Variants in EYS observed in about 807,000 individuals in gnomAD.
EYS encodes EGF-like photoreceptor maintenance factor.
In EYS, 250 loss-of-function variants were observed where a neutral mutation model predicts 282.1. The ratio of observed to expected loss-of-function variants is 0.89; its 90% CI spans 0.80 to 0.98. The LOEUF (loss-of-function observed/expected upper bound fraction) is 0.98. EYS is among the 50% of genes least tolerant of loss of function. The pLI, the probability that EYS is intolerant of heterozygous loss-of-function variation, is 0.00. For missense variants in EYS, 4,016 were observed against 3,709.0 expected, an observed-to-expected ratio of 1.08 and a Z score of -2.15; for synonymous variants, 1,355 against 1,282.9, an observed-to-expected ratio of 1.06 and a Z score of -1.20.
At chr6:64,129,487 T>C (rs1320343924) in intron 31 of EYS, among the ~76,000 whole-genome samples, 1 of 152,228 alleles carries the variant, frequency 6.6e-6, no homozygotes, top group African/African-American at 2.4e-5. Context: ...CTTTGTTTTT[T>C]TCTTGTAAAT....
rs115851056 is a variant in EYS at position 65,460,606 on chromosome 6, T to A, written c.862+29988A>T. ...AGTTCTATTTAGCTCAGATTCATGC[T>A]GACGTAGAGCCAAAAGCCAGCTTTA... On this transcript the variant is annotated intron_variant, in intron 5 of 42. Coordinates refer to ENST00000503581, the MANE Select transcript of EYS (RefSeq NM_001142800.2). 5.1e-3 allele frequency among the ~76,000 whole-genome samples: 774 copies of A among 152,178 alleles called. 6 individuals carry two copies. Among genetic ancestry groups the A allele is most frequent in the African/African-American group, 0.018 (743 of 41,564 alleles).
intron 2 of EYS, among the ~76,000 whole-genome samples, chr6:65,619,523 T>G (rs1766380326): frequency 6.6e-6 from 1 of 152,180 alleles, no homozygotes; most frequent in Non-Finnish European, 1.5e-5. Flanking sequence ...ACTTCCTCTT[T>G]TCCTAATTGA....
chr6:65,526,335 T>A (rs1208940666), intron 2 of EYS, among the ~76,000 whole-genome samples: 1 of 151,980 alleles, frequency 6.6e-6, no homozygotes, highest in Non-Finnish European at 1.5e-5. Flanking sequence ...AGAGATCAAT[T>A]GTAAGTAAAA....
In EYS at chr6:64,553,556, C is replaced by CA. The variant is rs1554177885; in HGVS notation, c.5644+36666_5644+36667insT. 1.5e-4 allele frequency among the ~76,000 whole-genome samples: 21 copies of CA among 137,504 alleles called. 1 individual carries two copies. The highest frequency in any genetic ancestry group is 5.6e-4 in the African/African-American group (21 of 37,526). 90.2% of individuals were successfully genotyped at this position (137,504 alleles called of 152,430 possible). ...GTGACTTTTGTTTGACCCCCCCCCC[C>CA]CCATAGGCAGTTACAAGGCAAATGT... On this transcript the variant is annotated intron_variant, in intron 26 of 42. Transcript: ENST00000503581.
intron 24 of EYS, among the ~76,000 whole-genome samples, chr6:64,613,351 G>A (rs775289914): frequency 2.6e-5 from 4 of 152,002 alleles, no homozygotes; most frequent in African/African-American, 9.7e-5. Flanking sequence ...ATCCATTCAT[G>A]TTTTCTTAAT....
chr6:65,402,955 C>A (rs918050376), intron 6 of EYS, among the ~76,000 whole-genome samples: 3 of 152,062 alleles, frequency 2.0e-5, no homozygotes, highest in Non-Finnish European at 4.4e-5. Context: ...AGCCACCATG[C>A]TCTCAGGAAG....
intron 16 of EYS, among the ~76,000 whole-genome samples, chr6:64,910,676 C>T (rs888937297): frequency 6.6e-6 from 1 of 151,952 alleles, no homozygotes; most frequent in Non-Finnish European, 1.5e-5. Context: ...AATCTAAATT[C>T]TCCCCATGAC....
At chr6:63,848,554 G>T (rs111518231) in intron 36 of EYS, among the ~76,000 whole-genome samples, 80 of 151,858 alleles carry the variant, frequency 5.3e-4, no homozygotes, top group African/African-American at 1.9e-3. Context: ...GCAGGGTGGG[G>T]TGCCCCTCAC....
chr6:64,843,636 T>C (rs1765632122), intron 19 of EYS, among the ~76,000 whole-genome samples: 2 of 152,210 alleles, frequency 1.3e-5, no homozygotes, highest in South Asian at 2.1e-4. Flanking sequence ...AACCTCATTG[T>C]ATCTAGGAAG....
chr6:64,189,916 C>T (rs573443918), intron 31 of EYS, among the ~76,000 whole-genome samples: 1 of 152,162 alleles, frequency 6.6e-6, no homozygotes, highest in African/African-American at 2.4e-5. Flanking sequence ...TTCCTGACCC[C>T]TGTGCTAGAT....
At chr6:64,714,586 C>T (rs1325268500) in intron 22 of EYS, among the ~76,000 whole-genome samples, 2 of 144,620 alleles carry the variant, frequency 1.4e-5, no homozygotes, top group Non-Finnish European at 3.0e-5. Flanking sequence ...AGTGCAGTGG[C>T]GCAATCTCGG....
chr6:64,423,090 G>A (rs1234157093), intron 28 of EYS, among the ~76,000 whole-genome samples: 1 of 151,982 alleles, frequency 6.6e-6, no homozygotes, highest in Admixed American at 6.6e-5. Flanking sequence ...AGGATTTACT[G>A]ATTTTTCTGC....
At chr6:63,889,855 G>C (rs1388185330) in intron 35 of EYS, among the ~76,000 whole-genome samples, 1 of 152,044 alleles carries the variant, frequency 6.6e-6, no homozygotes, top group South Asian at 2.1e-4. Context: ...AGACTTCTCA[G>C]TCTGCTGTAT....
rs552729587 is a variant in EYS, at chr6:64,693,156, G to C, written c.3444-66911C>G. Among the ~76,000 whole-genome samples, 10 of 151,430 alleles carry C rather than the reference G, an allele frequency of 6.6e-5. No homozygotes were observed. The South Asian group carries it at 1.0e-3, about 16-fold the overall frequency. On this transcript the variant is annotated intron_variant, in intron 22 of 42. Transcript: ENST00000503581. Reference sequence around the variant, plus strand: ...TAGAAACTACAGAATAATGCAGATAGAAATTTTTAAAAAGTTAGGTAAATT... The same window carrying C: ...TAGAAACTACAGAATAATGCAGATACAAATTTTTAAAAAGTTAGGTAAATT...
Position 64,822,011 on chromosome 6 carries a change from A to G in EYS, c.3165-288T>C, listed in dbSNP as rs1459913463. Among the ~76,000 whole-genome samples the G allele has an allele frequency of 1.6e-4, 25 of 152,034 alleles. No homozygotes were observed. The Admixed American group carries it at 1.6e-3, about 10-fold the overall frequency. On this transcript the variant is annotated intron_variant, in intron 20 of 42. Transcript: ENST00000503581. ...CTTATGTGAGAAACTGAAGTTAGCT[A>G]TGGCCAGCCTGCATTGCAATGAGCT...
intron 22 of EYS, among the ~76,000 whole-genome samples, chr6:64,704,466 A>T (rs550374911): frequency 2.2e-5 from 1 of 46,224 alleles, no homozygotes; most frequent in Non-Finnish European, 4.9e-5. Context: ...ATTATAATAT[A>T]ATACTTATAA....
At chr6:64,025,858 G>C (rs1313274702) in intron 33 of EYS, among the ~76,000 whole-genome samples, 1 of 152,160 alleles carries the variant, frequency 6.6e-6, no homozygotes, top group Non-Finnish European at 1.5e-5. Context: ...CATCTTTATA[G>C]GAAAGGGGTA....
chr6:63,865,942 C>G (rs1772661102), intron 35 of EYS, among the ~76,000 whole-genome samples: 1 of 152,238 alleles, frequency 6.6e-6, no homozygotes, highest in Non-Finnish European at 1.5e-5. Flanking sequence ...TTTGCCAACT[C>G]ATAAGGCTTA....
chr6:64,720,285 C>G (rs1279666890), intron 22 of EYS, among the ~76,000 whole-genome samples: 1 of 152,240 alleles, frequency 6.6e-6, no homozygotes, highest in Admixed American at 6.5e-5. Context: ...CTTCTCTCAC[C>G]TTTTCCTTCC....
Sources: gnomAD v4.1 joint callset for allele counts (sites outside exome capture counted in the v4.1 genomes callset) on GRCh38, gnomAD v4.1.1 for gene constraint, MANE v1.5 for transcripts, NCBI Gene and HGNC (gene_info 2026-07-23, HGNC 2026-07-21) for gene names.